The following ACSF3 variants were observed in gnomAD, a reference collection of about 807,000 sequenced individuals.
ACSF3 encodes acyl-CoA synthetase family member 3, also known as malonate--CoA ligase ACSF3, mitochondrial.
In ACSF3, 78 loss-of-function variants were observed where a neutral mutation model predicts 53.2. That is an observed-to-expected ratio of 1.47 (90% CI 1.22 to 1.77). The LOEUF is 1.77. ACSF3 is among the 40% of genes most tolerant of loss of function. The pLI is 0.00. For missense variants in ACSF3, 937 were observed against 771.1 expected (o/e 1.22, Z -2.55); for synonymous variants, 414 against 333.1 (o/e 1.24, Z -2.65).
intron 4 of ACSF3, among the ~76,000 whole-genome samples, chr16:89,105,702 C>A (rs2151425658): frequency 6.6e-6 from 1 of 152,356 alleles, no homozygotes; most frequent in East Asian, 1.9e-4. Context: ...GGTGGCTGGT[C>A]TACCATGGTC....
At chr16:89,146,516 C>T (rs1364832509) in intron 10 of ACSF3, among the ~76,000 whole-genome samples, 1 of 152,218 alleles carries the variant, frequency 6.6e-6, no homozygotes, top group African/African-American at 2.4e-5. Context: ...AAGGCCCACC[C>T]ATTCTCCGTC....
intron 4 of ACSF3, among the ~76,000 whole-genome samples, chr16:89,106,090 G>A (rs1465341935): frequency 3.3e-5 from 5 of 152,200 alleles, no homozygotes; most frequent in African/African-American, 1.2e-4. Context: ...TGTCCCAAGG[G>A]CGTCTGCCCA....
At chr16:89,108,216 ATGC>A (rs1483445523) in intron 4 of ACSF3, among the ~76,000 whole-genome samples, 10 of 152,176 alleles carry the variant, frequency 6.6e-5, no homozygotes, top group Non-Finnish European at 1.3e-4. Flanking sequence ...TTGGGTGGGG[ATGC>A]CATCAAACCA....
At chr16:89,095,603 G>A (rs375510160) in intron 1 of ACSF3, among the ~76,000 whole-genome samples, 4 of 144,560 alleles carry the variant, frequency 2.8e-5, no homozygotes, top group East Asian at 4.2e-4. Context: ...AAGGTCTGGG[G>A]GGGCGGGGGT....
At chr16:89,102,868 G>A in intron 4 of ACSF3, 109 bp downstream of exon 4, 1 of 1,497,968 alleles carries the variant, frequency 6.7e-7, no homozygotes, top group Non-Finnish European at 9.1e-7. Context: ...TCGCTGGTTG[G>A]GGTCAGGGCT....
rs1975498351 is a variant in ACSF3 at position 89,102,726 on chromosome 16, C to G, written c.789C>G (p.Thr263=). The change falls in exon 4 of 11, where the codon ACC becomes ACG. Residue 263 remains threonine, a synonymous_variant. Transcript: ENST00000614302. ...ALLCPLWVGA[T]CVMMPEFSPQ... ...TCTGTCCTCTCTGGGTGGGAGCCAC[C>G]TGTGTGATGATGCCTGAGTTCAGCC... 3.7e-6 allele frequency: 6 copies of G among 1,612,670 alleles called. No homozygotes were observed. The highest frequency in any genetic ancestry group is 1.3e-5 in the African/African-American group (1 of 74,846).
chr16:89,147,123 CAGGAGGG>C (rs1913105826), intron 10 of ACSF3, among the ~76,000 whole-genome samples: 1 of 146,192 alleles, frequency 6.8e-6, no homozygotes, highest in Non-Finnish European at 1.5e-5. Context: ...ATGGCCGGAG[CAGGAGGG>C]AGGAGGGAGG....
chr16:89,094,826 C>T (rs141335833), intron 1 of ACSF3, among the ~76,000 whole-genome samples: 1,756 of 152,296 alleles, frequency 0.012, 19 homozygotes, highest in South Asian at 0.027. Flanking sequence ...GCCCAGGAAT[C>T]GGAGGCTGCA....
intron 10 of ACSF3, chr16:89,152,692 C>A (rs1018046211): frequency 5.3e-5 from 8 of 152,164 alleles, no homozygotes; most frequent in Non-Finnish European, 1.2e-4. Context: ...AAATGCCTGT[C>A]ATAGTTTTAT....
chr16:89,137,985 G>A (rs1392133904), intron 8 of ACSF3, among the ~76,000 whole-genome samples: 1 of 152,220 alleles, frequency 6.6e-6, no homozygotes, highest in Non-Finnish European at 1.5e-5. Flanking sequence ...CTCAGCCGTT[G>A]GGTTCTTACA....
chr16:89,146,932 C>T (rs1010685266), intron 10 of ACSF3, among the ~76,000 whole-genome samples: 1 of 152,200 alleles, frequency 6.6e-6, no homozygotes, highest in Non-Finnish European at 1.5e-5. Context: ...CAGAGCCAGG[C>T]TGAGCTCAGA....
chr16:89,116,751 G>A (rs551514022), intron 6 of ACSF3, among the ~76,000 whole-genome samples: 14 of 152,092 alleles, frequency 9.2e-5, no homozygotes, highest in South Asian at 4.1e-4. Flanking sequence ...GGAAACCGCC[G>A]TCAGTGCTGG....
At chr16:89,112,648 T>C (rs1904303375) in intron 5 of ACSF3, among the ~76,000 whole-genome samples, 1 of 152,060 alleles carries the variant, frequency 6.6e-6, no homozygotes, top group Admixed American at 6.5e-5. Context: ...CTCCGTCTTC[T>C]CTTTCTCTAT....
chr16:89,107,895 T>C (rs1381366573), intron 4 of ACSF3, among the ~76,000 whole-genome samples: 2 of 152,186 alleles, frequency 1.3e-5, no homozygotes, highest in Non-Finnish European at 2.9e-5. Flanking sequence ...TTAGTCCGTG[T>C]GCACACTACT....
rs978491084 is a variant in ACSF3 at position 89,155,293 on chromosome 16, G to A, written c.*1086G>A. 21 of 453,882 alleles carry A rather than the reference G, an allele frequency of 4.6e-5. No individual in the cohort carries two copies. The highest frequency in any genetic ancestry group is 8.4e-5 in the Non-Finnish European group (19 of 226,662). The allele number at this position is 453,882 out of a possible 1,614,324, so 28.1% of individuals were successfully genotyped here. A position where few individuals can be genotyped will look rare whatever the true frequency, so the allele number is the denominator to read the frequency against. ...AGAACATTCTGCCCCCGGAATGCAC[G>A]TCTGAAAGAGTGGCCAGAAACGAGT... On this transcript the variant is annotated 3_prime_UTR_variant, in exon 11 of 11. Transcript: ENST00000614302.
intron 8 of ACSF3, among the ~76,000 whole-genome samples, chr16:89,137,066 G>A (rs962796035): frequency 1.3e-4 from 20 of 152,322 alleles, no homozygotes; most frequent in East Asian, 3.9e-4. Flanking sequence ...CACCTCTGCC[G>A]GGCAGATGCG....
At chr16:89,147,221 TC>T (rs1913157411) in intron 10 of ACSF3, among the ~76,000 whole-genome samples, 5 of 36,648 alleles carry the variant, frequency 1.4e-4, no homozygotes, top group Non-Finnish European at 1.9e-4. Flanking sequence ...GGAGGGAGGG[TC>T]CACAGAGTGA....
At chr16:89,121,694 T>A (rs1419846487) in intron 7 of ACSF3, among the ~76,000 whole-genome samples, 1 of 152,194 alleles carries the variant, frequency 6.6e-6, no homozygotes, top group Non-Finnish European at 1.5e-5. Flanking sequence ...CTCATCTCTG[T>A]GCATTTCCTT....
intron 4 of ACSF3, among the ~76,000 whole-genome samples, chr16:89,108,604 G>C (rs1976305820): frequency 6.6e-6 from 1 of 152,192 alleles, no homozygotes; most frequent in Non-Finnish European, 1.5e-5. Flanking sequence ...GGATTTCCTT[G>C]TTTGAGATGG....
Sources: allele counts gnomAD v4.1 joint callset (sites outside exome capture counted in the v4.1 genomes callset), GRCh38; gene constraint gnomAD v4.1.1; transcripts MANE v1.5; gene names NCBI Gene and HGNC (gene_info 2026-07-23, HGNC 2026-07-21).